Variants in EXT1 observed in about 807,000 individuals in gnomAD.
EXT1 encodes exostosin glycosyltransferase 1.
Under a neutral mutation model 82.5 loss-of-function variants are expected in EXT1, and 20 were observed. That is an observed-to-expected ratio of 0.24 (90% CI 0.17 to 0.35). The LOEUF (loss-of-function observed/expected upper bound fraction) is 0.35, where lower values mean the gene tolerates loss of function less well. EXT1 is among the 10% of genes least tolerant of loss of function. The probability of loss-of-function intolerance (pLI) is 1.00; values close to 1 mark genes in which losing one functional copy is unlikely to be tolerated. For missense variants in EXT1, 757 were observed against 936.5 expected (o/e 0.81, Z 2.50); for synonymous variants, 348 against 350.8 (o/e 0.99, Z 0.09).
chr8:117,828,838 T>C (rs1812050484), intron 4 of EXT1, among the ~76,000 whole-genome samples: 1 of 152,078 alleles, frequency 6.6e-6, no homozygotes, highest in Non-Finnish European at 1.5e-5. Context: ...AAGAGAACAC[T>C]GACCAGAGCT....
At chr8:118,011,786 G>A (rs764300312) in intron 1 of EXT1, among the ~76,000 whole-genome samples, 5 of 152,162 alleles carry the variant, frequency 3.3e-5, no homozygotes, top group African/African-American at 9.7e-5. Flanking sequence ...ATGACAAGCC[G>A]TTAGTATTCA....
chr8:118,087,827 G>C (rs1817451305), intron 1 of EXT1, among the ~76,000 whole-genome samples: 1 of 151,540 alleles, frequency 6.6e-6, no homozygotes, highest in African/African-American at 2.4e-5. Context: ...CCCATTCTCA[G>C]GCTTATAAAA....
chr8:118,033,198 C>A (rs993522011), intron 1 of EXT1, among the ~76,000 whole-genome samples: 3 of 152,214 alleles, frequency 2.0e-5, no homozygotes, highest in African/African-American at 4.8e-5. Flanking sequence ...TTCAGAAGGA[C>A]TGTCCTAATC....
At chr8:118,071,515 A>G (rs1408553368) in intron 1 of EXT1, among the ~76,000 whole-genome samples, 1 of 151,034 alleles carries the variant, frequency 6.6e-6, no homozygotes, top group African/African-American at 2.4e-5. Context: ...TTACCATCGC[A>G]AAAGTAGTAG....
chr8:118,080,990 T>C (rs897444184), intron 1 of EXT1, among the ~76,000 whole-genome samples: 3 of 152,140 alleles, frequency 2.0e-5, no homozygotes, highest in African/African-American at 7.2e-5. Context: ...GTCCTAAAAT[T>C]CAATGGATAA....
chr8:117,834,189 T>C (rs768492845), intron 3 of EXT1, among the ~76,000 whole-genome samples: 7 of 152,348 alleles, frequency 4.6e-5, no homozygotes, highest in Middle Eastern at 6.8e-3. Flanking sequence ...GTGGTCACTT[T>C]AGTTTGCTTA....
At chr8:117,825,893 C>T (rs1715866276) in intron 4 of EXT1, among the ~76,000 whole-genome samples, 2 of 152,212 alleles carry the variant, frequency 1.3e-5, no homozygotes. Context: ...TTCCTAGCTA[C>T]CACTGGCTCT....
chr8:118,034,147 A>G (rs1041909613), intron 1 of EXT1, among the ~76,000 whole-genome samples: 2 of 152,178 alleles, frequency 1.3e-5, no homozygotes, highest in African/African-American at 4.8e-5. Flanking sequence ...TAAACAGTAC[A>G]TTTTTAAAGA....
At chr8:118,008,136 C>T (rs1815817503) in intron 1 of EXT1, among the ~76,000 whole-genome samples, 1 of 152,170 alleles carries the variant, frequency 6.6e-6, no homozygotes, top group African/African-American at 2.4e-5. Flanking sequence ...GTTCTCATTG[C>T]TCAGCTCCCA....
chr8:118,110,050 C>CT, intron 1 of EXT1, 35 bp downstream of exon 1: 1 of 1,612,956 alleles, frequency 6.2e-7, no homozygotes, highest in South Asian at 1.1e-5. Context: ...GAGCCCAAGG[C>CT]TGACTCCCAA....
chr8:118,080,351 A>G (rs1260521703), intron 1 of EXT1, among the ~76,000 whole-genome samples: 2 of 152,150 alleles, frequency 1.3e-5, no homozygotes, highest in African/African-American at 2.4e-5. Context: ...TCTCTTATCT[A>G]TTAATTTCAC....
chr8:117,923,085 G>C (rs1462826783), intron 1 of EXT1, among the ~76,000 whole-genome samples: 1 of 152,180 alleles, frequency 6.6e-6, no homozygotes, highest in Non-Finnish European at 1.5e-5. Flanking sequence ...AGCACTTTGG[G>C]AGGCCGAGGT....
intron 1 of EXT1, among the ~76,000 whole-genome samples, chr8:118,082,859 A>G (rs1817356144): frequency 6.6e-6 from 1 of 152,180 alleles, no homozygotes. Context: ...CACTCATTCT[A>G]AATTTCTTCT....
At chr8:117,903,836 G>A (rs1813494983) in intron 1 of EXT1, among the ~76,000 whole-genome samples, 1 of 152,136 alleles carries the variant, frequency 6.6e-6, no homozygotes, top group Non-Finnish European at 1.5e-5. Context: ...AATGAATCAG[G>A]CCTTCAGCCA....
chr8:118,032,711 C>A (rs930499052), intron 1 of EXT1, among the ~76,000 whole-genome samples: 1 of 151,812 alleles, frequency 6.6e-6, no homozygotes, highest in Non-Finnish European at 1.5e-5. Context: ...GGTTTCTCCA[C>A]GTTGGTCAGG....
At chr8:118,034,362 T>C (rs367831077) in intron 1 of EXT1, among the ~76,000 whole-genome samples, 9 of 152,288 alleles carry the variant, frequency 5.9e-5, no homozygotes, top group East Asian at 3.9e-4. Flanking sequence ...ACATGTGTTA[T>C]TTCAAACACT....
At chr8:117,965,359 G>T (rs541763050) in intron 1 of EXT1, among the ~76,000 whole-genome samples, 1 of 152,134 alleles carries the variant, frequency 6.6e-6, no homozygotes, top group African/African-American at 2.4e-5. Flanking sequence ...TAATAACCTG[G>T]AGTGGAATCA....
At chr8:118,028,163 C>T (rs995575615) in intron 1 of EXT1, among the ~76,000 whole-genome samples, 10 of 152,196 alleles carry the variant, frequency 6.6e-5, no homozygotes, top group Non-Finnish European at 1.3e-4. Context: ...ACCTACAACA[C>T]GGGACAGATG....
rs1188967874 is a variant in EXT1, at chr8:117,804,995, A to C, written c.1884-102T>G. 5 of 997,422 alleles carry C rather than the reference A, an allele frequency of 5.0e-6. No homozygotes were observed. The African/African-American group carries it at 7.9e-5, about 16-fold the overall frequency. The allele number at this position is 997,422 out of a possible 1,614,324, so 61.8% of individuals were successfully genotyped here. On this transcript the variant is annotated intron_variant, in intron 9 of 10. Transcript: ENST00000378204. ...ATACCCATTCTTTGAATCCCTAAAC[A>C]TGTCATGAATGGTAATGATAATGAT...
Sources: allele counts gnomAD v4.1 joint callset (sites outside exome capture counted in the v4.1 genomes callset), GRCh38; gene constraint gnomAD v4.1.1; transcripts MANE v1.5; gene names NCBI Gene and HGNC (gene_info 2026-07-23, HGNC 2026-07-21).